Variants in HPCAL1 observed in about 807,000 individuals in gnomAD.
The protein encoded by HPCAL1 is hippocalcin like 1.
Under a neutral mutation model 17.1 loss-of-function variants are expected in HPCAL1, and 8 were observed. That is an observed-to-expected ratio of 0.47 (90% CI 0.27 to 0.84). The LOEUF (loss-of-function observed/expected upper bound fraction) is 0.84, where lower values mean the gene tolerates loss of function less well. Among genes scored for constraint, HPCAL1 ranks in the 40% least tolerant of loss-of-function variants. HPCAL1 has a pLI of 0.13. For synonymous variants in HPCAL1, 112 were observed against 111.4 expected, an observed-to-expected ratio of 1.01 and a Z score of -0.03; for missense variants, 165 against 271.1, an observed-to-expected ratio of 0.61 and a Z score of 2.75.
At chr2:10,305,610 T>A (rs546357044) in intron 1 of HPCAL1, among the ~76,000 whole-genome samples, 1 of 152,330 alleles carries the variant, frequency 6.6e-6, no homozygotes, top group South Asian at 2.1e-4. Flanking sequence ...ATCCAATAAA[T>A]GGAAGGTCCT....
intron 2 of HPCAL1, among the ~76,000 whole-genome samples, chr2:10,409,879 C>T (rs3771127): frequency 0.55 from 81,648 of 149,380 alleles, 22,736 homozygotes; most frequent in South Asian, 0.66. Context: ...AACCTCCACC[C>T]TCCGGGTTCA....
rs1213617840 is a variant in HPCAL1 at position 10,426,694 on chromosome 2, G to C, written c.485-30G>C. On this transcript the variant is annotated intron_variant, in intron 4 of 4. Coordinates refer to ENST00000307845, the MANE Select transcript of HPCAL1 (RefSeq NM_002149.4). ...GAAGCATAAAGAACAGTGAGCACTG[G>C]CTAATCCCATTGTCTCTGGTCCCCT... The C allele has an allele frequency of 3.2e-6, 5 of 1,560,662 alleles. No homozygotes were observed. In the African/African-American group the frequency reaches 6.8e-5, roughly 21 times the overall value.
At chr2:10,357,392 G>A (rs1666224116) in intron 1 of HPCAL1, among the ~76,000 whole-genome samples, 1 of 152,164 alleles carries the variant, frequency 6.6e-6, no homozygotes, top group African/African-American at 2.4e-5. Flanking sequence ...TTCATCTGAG[G>A]CCATGTCTTT....
At chr2:10,412,058 G>C (rs1670395561) in intron 2 of HPCAL1, among the ~76,000 whole-genome samples, 3 of 152,242 alleles carry the variant, frequency 2.0e-5, no homozygotes, top group Admixed American at 2.0e-4. Context: ...GCTGTAAGAA[G>C]CAAGTGCCAA....
chr2:10,346,755 G>A (rs1376896853), intron 1 of HPCAL1, among the ~76,000 whole-genome samples: 6 of 152,116 alleles, frequency 3.9e-5, no homozygotes, highest in Admixed American at 2.6e-4. Flanking sequence ...AAACGAGACT[G>A]TGAGAGCTTC....
chr2:10,333,070 C>CA (rs1295695526), intron 1 of HPCAL1, among the ~76,000 whole-genome samples: 1 of 151,102 alleles, frequency 6.6e-6, no homozygotes, highest in African/African-American at 2.4e-5. Flanking sequence ...GCCTGAGCCC[C>CA]ATGACGCCTG....
rs1662499859 is a variant in HPCAL1, at chr2:10,304,611, TA to T, written c.-111+1438del. Reference sequence around the variant, plus strand: ...ATTTACTTTTGAAACCTACTAGTCGTAAAATTGAACCGCAGTGAACGAGCAC... The same window carrying T: ...ATTTACTTTTGAAACCTACTAGTCGTAAATTGAACCGCAGTGAACGAGCAC... On this transcript the variant is annotated intron_variant, in intron 1 of 4. Transcript: ENST00000307845. The surrounding 1 kb of genome is among the most constrained non-coding windows in gnomAD (Gnocchi z 4.1). 1.3e-5 allele frequency among the ~76,000 whole-genome samples: 2 copies of T among 152,162 alleles called. No homozygotes were observed. Among genetic ancestry groups the T allele is most frequent in the South Asian group, 2.1e-4 (1 of 4,830 alleles).
intron 1 of HPCAL1, among the ~76,000 whole-genome samples, chr2:10,371,325 C>T (rs1013512405): frequency 3.4e-5 from 5 of 148,228 alleles, no homozygotes; most frequent in African/African-American, 7.5e-5. Context: ...CACCTGCCCC[C>T]GTCTTTTACC....
At chr2:10,355,007 G>A (rs539655054) in intron 1 of HPCAL1, among the ~76,000 whole-genome samples, 6 of 152,220 alleles carry the variant, frequency 3.9e-5, no homozygotes, top group Non-Finnish European at 8.8e-5. Flanking sequence ...TGCCCAGGCA[G>A]GTAACAGACT....
At chr2:10,348,172 G>C (rs1319424419) in intron 1 of HPCAL1, among the ~76,000 whole-genome samples, 1 of 152,112 alleles carries the variant, frequency 6.6e-6, no homozygotes, top group East Asian at 1.9e-4. Context: ...GGGCCAGCCC[G>C]GGCACAGTGG....
chr2:10,318,653 A>G (rs1663477895), intron 1 of HPCAL1, among the ~76,000 whole-genome samples: 1 of 152,152 alleles, frequency 6.6e-6, no homozygotes, highest in Admixed American at 6.5e-5. Context: ...CTGTGATCTG[A>G]ATAAGAAAAC....
At chr2:10,355,450 C>CAAAAAAAAAAAAAAAA (rs34600690) in intron 1 of HPCAL1, among the ~76,000 whole-genome samples, 1 of 32,182 alleles carries the variant, frequency 3.1e-5, no homozygotes, top group African/African-American at 1.4e-4. Context: ...GACTCCGTCT[C>CAAAAAAAAAAAAAAAA]AAAAAAAAAA....
intron 1 of HPCAL1, among the ~76,000 whole-genome samples, chr2:10,358,053 C>T (rs971152064): frequency 1.3e-5 from 2 of 152,250 alleles, no homozygotes; most frequent in African/African-American, 4.8e-5. Flanking sequence ...TGTATAGCAG[C>T]CCCGGTGGAA....
chr2:10,398,452 G>A (rs1669200977), intron 2 of HPCAL1, among the ~76,000 whole-genome samples: 1 of 152,204 alleles, frequency 6.6e-6, no homozygotes, highest in Non-Finnish European at 1.5e-5. Flanking sequence ...ACCTGTTAAA[G>A]CATCACTGTC....
chr2:10,358,633 A>G (rs953272024), intron 1 of HPCAL1, among the ~76,000 whole-genome samples: 3 of 152,216 alleles, frequency 2.0e-5, no homozygotes, highest in Non-Finnish European at 4.4e-5. Context: ...TCGGGGGAAC[A>G]TGCCCTGGGG....
At chr2:10,337,217 T>C (rs1240945297) in intron 1 of HPCAL1, among the ~76,000 whole-genome samples, 1 of 152,176 alleles carries the variant, frequency 6.6e-6, no homozygotes, top group African/African-American at 2.4e-5. Flanking sequence ...AGGGAGGATT[T>C]TGAGCCAAGA....
intron 1 of HPCAL1, among the ~76,000 whole-genome samples, chr2:10,379,144 A>G (rs528523068): frequency 1.9e-4 from 29 of 152,166 alleles, no homozygotes; most frequent in Non-Finnish European, 2.9e-4. Flanking sequence ...CCTGGCCAAC[A>G]TGGTGAAACC....
At chr2:10,346,198 CT>C (rs1162825941) in intron 1 of HPCAL1, among the ~76,000 whole-genome samples, 1 of 151,226 alleles carries the variant, frequency 6.6e-6, no homozygotes, top group Non-Finnish European at 1.5e-5. Context: ...TCATGTCCTT[CT>C]TTGAGGGGGG....
intron 1 of HPCAL1, among the ~76,000 whole-genome samples, chr2:10,353,149 C>T (rs933214118): frequency 3.9e-5 from 6 of 152,186 alleles, no homozygotes; most frequent in Non-Finnish European, 7.3e-5. Context: ...AGAAAAAGGC[C>T]GCTATGCCTT....
Sources: allele counts gnomAD v4.1 joint callset (sites outside exome capture counted in the v4.1 genomes callset), GRCh38; gene constraint gnomAD v4.1.1; non-coding constraint Gnocchi (gnomAD v3.1); transcripts MANE v1.5; gene names NCBI Gene and HGNC (gene_info 2026-07-23, HGNC 2026-07-21).